PDE4D: variants seen among roughly 807,000 people sequenced by gnomAD.
The protein encoded by PDE4D is 3',5'-cyclic-AMP phosphodiesterase 4D.
Under a neutral mutation model 87.4 loss-of-function variants are expected in PDE4D, and 24 were observed. The observed-to-expected ratio is 0.27, with a 90% CI of 0.20 to 0.39. The LOEUF (loss-of-function observed/expected upper bound fraction) is 0.39, where lower values mean the gene tolerates loss of function less well. PDE4D is among the 10% of genes least tolerant of loss of function. The probability of loss-of-function intolerance (pLI) is 1.00; values close to 1 mark genes in which losing one functional copy is unlikely to be tolerated. For missense variants in PDE4D, 714 were observed against 1,041.0 expected, an observed-to-expected ratio of 0.69 and a Z score of 4.32; for synonymous variants, 384 against 383.2, an observed-to-expected ratio of 1.00 and a Z score of -0.02.
rs200263576 is a variant in PDE4D, at chr5:58,975,000, C to T, written c.2094G>A (p.Leu698=). ...ATTCACGATTGTCCTCCAAAGTGTC[C>T]AAAATATCCTGGGCGTCAGGGTGGA... ...DLVHPDAQDI[L]DTLEDNREWY... Residue 698 remains leucine, a synonymous_variant, in exon 15 of 15, where the codon TTG becomes TTA. Coordinates refer to ENST00000340635, the MANE Select transcript of PDE4D (RefSeq NM_001104631.2). The T allele has an allele frequency of 3.1e-6, 5 of 1,609,926 alleles. No homozygotes were observed. In the African/African-American group the frequency reaches 5.3e-5, roughly 17 times the overall value.
At chr5:60,020,121 G>C (rs1409375499) in intron 2 of PDE4D, among the ~76,000 whole-genome samples, 3 of 152,216 alleles carry the variant, frequency 2.0e-5, no homozygotes, top group East Asian at 1.9e-4. Context: ...TTTGAGGAGA[G>C]ACAGAGAGAT....
intron 1 of PDE4D, among the ~76,000 whole-genome samples, chr5:59,809,303 A>AAAG (rs1768077128): frequency 6.6e-6 from 1 of 152,200 alleles, no homozygotes; most frequent in African/African-American, 2.4e-5. Flanking sequence ...AAATTAAGCC[A>AAAG]AAGGGACTAG....
intron 1 of PDE4D, among the ~76,000 whole-genome samples, chr5:59,696,792 G>C (rs979316064): frequency 1.3e-5 from 2 of 152,022 alleles, no homozygotes; most frequent in African/African-American, 2.4e-5. Context: ...TTCCTTGACC[G>C]GAATAACTGT....
chr5:60,114,473 C>T (rs1016539452), intron 2 of PDE4D, among the ~76,000 whole-genome samples: 4 of 152,032 alleles, frequency 2.6e-5, no homozygotes, highest in Non-Finnish European at 5.9e-5. Context: ...CCCTGCAGAA[C>T]CTCACAAAAT....
At chr5:60,285,856 C>T (rs532317609) in intron 1 of PDE4D, among the ~76,000 whole-genome samples, 2 of 152,262 alleles carry the variant, frequency 1.3e-5, no homozygotes, top group South Asian at 4.1e-4. Context: ...TCAACGAAAA[C>T]CCAGCAGATC....
intron 1 of PDE4D, among the ~76,000 whole-genome samples, chr5:59,841,555 G>T (rs1742992715): frequency 6.6e-6 from 1 of 151,902 alleles, no homozygotes; most frequent in Non-Finnish European, 1.5e-5. Flanking sequence ...CCAGTCACAG[G>T]GCTAGGACCT....
intron 1 of PDE4D, among the ~76,000 whole-genome samples, chr5:60,330,198 A>T (rs1583440820): frequency 7.3e-6 from 1 of 137,020 alleles, no homozygotes; most frequent in African/African-American, 3.7e-5. Context: ...AAAAGTAGTT[A>T]ATGACTCAAT....
intron 2 of PDE4D, among the ~76,000 whole-genome samples, chr5:60,125,924 G>C (rs772124495): frequency 1.8e-4 from 28 of 152,092 alleles, no homozygotes; most frequent in Non-Finnish European, 3.7e-4. Flanking sequence ...AAGAAGATGA[G>C]GGCTATGGTT....
intron 1 of PDE4D, among the ~76,000 whole-genome samples, chr5:60,316,450 C>T (rs190007451): frequency 6.6e-6 from 1 of 152,276 alleles, no homozygotes; most frequent in East Asian, 1.9e-4. Flanking sequence ...ATTTGATTTC[C>T]TGTTTTCCTA....
chr5:60,370,781 G>A (rs912588348), intron 1 of PDE4D, among the ~76,000 whole-genome samples: 2 of 152,088 alleles, frequency 1.3e-5, no homozygotes, highest in African/African-American at 2.4e-5. Flanking sequence ...GTGTGTGCGT[G>A]CGTGCATGCC....
intron 1 of PDE4D, among the ~76,000 whole-genome samples, chr5:59,613,659 C>A (rs1399804055): frequency 2.6e-5 from 4 of 152,156 alleles, no homozygotes; most frequent in Admixed American, 2.6e-4. Flanking sequence ...AGAGAGTTGT[C>A]TTCTCTAAAT....
chr5:60,073,797 T>C (rs749416683), intron 2 of PDE4D, among the ~76,000 whole-genome samples: 3 of 152,134 alleles, frequency 2.0e-5, no homozygotes, highest in Admixed American at 2.0e-4. Flanking sequence ...CTAGATTTTC[T>C]AGTTTGTGTG....
intron 1 of PDE4D, among the ~76,000 whole-genome samples, chr5:59,311,367 G>T (rs1561933174): frequency 6.6e-6 from 1 of 151,800 alleles, no homozygotes; most frequent in Non-Finnish European, 1.5e-5. Context: ...TGGGCTTGGT[G>T]GTATGCATCT....
At chr5:60,091,627 T>C (rs2149310580) in intron 2 of PDE4D, among the ~76,000 whole-genome samples, 1 of 152,336 alleles carries the variant, frequency 6.6e-6, no homozygotes, top group Non-Finnish European at 1.5e-5. Flanking sequence ...GCAATCTCAC[T>C]GCTGGGAATA....
At chr5:59,200,660 T>C (rs62357999) in intron 2 of PDE4D, among the ~76,000 whole-genome samples, 1,836 of 15,892 alleles carry the variant, frequency 0.12, 256 homozygotes, top group Non-Finnish European at 0.15. Flanking sequence ...TACATACATA[T>C]GTGTATGTAT....
rs537772870 is a variant in PDE4D at position 58,974,079 on chromosome 5, T to C, written c.*585A>G. 9 of 152,724 alleles carry C rather than the reference T, an allele frequency of 5.9e-5. No homozygotes were observed. The highest frequency in any genetic ancestry group is 2.2e-4 in the African/African-American group (9 of 41,574). 9.5% of individuals were successfully genotyped at this position (152,724 alleles called of 1,614,324 possible). ...TACATTTAATAATAAAAGTAAGCTCTACAAAAAATCTGTTTTACATATCAT... is the reference window on the plus strand; with the variant it reads ...TACATTTAATAATAAAAGTAAGCTCCACAAAAAATCTGTTTTACATATCAT... On this transcript the variant is annotated 3_prime_UTR_variant, in exon 15 of 15. Transcript: ENST00000340635.
chr5:60,036,134 G>A (rs1413496825), intron 2 of PDE4D, among the ~76,000 whole-genome samples: 3 of 152,128 alleles, frequency 2.0e-5, no homozygotes, highest in Admixed American at 6.6e-5. Context: ...TGACACAAAT[G>A]AATGTATTCA....
At chr5:59,700,158 A>G (rs1752359817) in intron 1 of PDE4D, among the ~76,000 whole-genome samples, 1 of 152,192 alleles carries the variant, frequency 6.6e-6, no homozygotes, top group Non-Finnish European at 1.5e-5. Context: ...AGGAAGAACA[A>G]AACATTCAGA....
chr5:60,226,716 T>C lies in PDE4D; in HGVS notation c.-89-41029A>G, dbSNP rs9686944. Among the ~76,000 whole-genome samples the C allele has an allele frequency of 3.7e-3, 564 of 152,100 alleles. 3 individuals are homozygous for C. Among genetic ancestry groups the C allele is most frequent in the African/African-American group, 0.012 (506 of 41,522 alleles). The stretch of plus-strand genomic sequence containing the variant: ...AACTGGAATGTGGTTTCAAGAGTGG[T>C]ACTGGTTTCTTCTTCTGTTCTCATT... On this transcript the variant is annotated intron_variant, in intron 1 of 16. Transcript: ENST00000502484.
Sources: allele counts gnomAD v4.1 joint callset (sites outside exome capture counted in the v4.1 genomes callset), GRCh38; gene constraint gnomAD v4.1.1; transcripts MANE v1.5; gene names NCBI Gene and HGNC (gene_info 2026-07-23, HGNC 2026-07-21).